PUM1: variants seen among roughly 807,000 people sequenced by gnomAD.
The protein encoded by PUM1 is pumilio homolog 1.
Under a neutral mutation model 131.8 loss-of-function variants are expected in PUM1, and 13 were observed. That is an observed-to-expected ratio of 0.10 (90% CI 0.06 to 0.16). The LOEUF (loss-of-function observed/expected upper bound fraction) is 0.16. Ranked by LOEUF, PUM1 falls within the 10% of genes least tolerant of loss-of-function variation. PUM1 has a pLI of 1.00. For synonymous variants in PUM1, 509 were observed against 556.5 expected, an observed-to-expected ratio of 0.91 and a Z score of 1.20; for missense variants, 961 against 1,512.4, an observed-to-expected ratio of 0.64 and a Z score of 6.05.
intron 5 of PUM1, among the ~76,000 whole-genome samples, chr1:31,000,909 G>A (rs562201907): frequency 3.8e-4 from 58 of 151,968 alleles, no homozygotes; most frequent in Non-Finnish European, 6.9e-4. Flanking sequence ...GGTGTGGGCC[G>A]GGCACAGTGG....
At chr1:31,009,692 A>G (rs1253007905) in intron 3 of PUM1, among the ~76,000 whole-genome samples, 3 of 146,918 alleles carry the variant, frequency 2.0e-5, no homozygotes, top group Non-Finnish European at 3.0e-5. Context: ...TGCTTGAACC[A>G]GGGACGCAGA....
chr1:31,041,717 T>TAAAA (rs1643821509), intron 2 of PUM1, among the ~76,000 whole-genome samples: 1 of 152,144 alleles, frequency 6.6e-6, no homozygotes, highest in Non-Finnish European at 1.5e-5. Context: ...CTGCCATGAG[T>TAAAA]AAAAGTGTCC....
At chr1:30,969,838 T>C (rs1001074977) in intron 10 of PUM1, among the ~76,000 whole-genome samples, 2 of 152,130 alleles carry the variant, frequency 1.3e-5, no homozygotes, top group African/African-American at 4.8e-5. Context: ...AATTTTTCTA[T>C]TTTTTGTAGA....
chr1:31,022,157 C>T (rs1242211240), intron 3 of PUM1, among the ~76,000 whole-genome samples: 1 of 144,492 alleles, frequency 6.9e-6, no homozygotes, highest in Non-Finnish European at 1.5e-5. Flanking sequence ...AATCTTAGGG[C>T]TCATTCTGCT....
At chr1:31,036,211 G>T (rs1643607056) in intron 2 of PUM1, among the ~76,000 whole-genome samples, 1 of 152,008 alleles carries the variant, frequency 6.6e-6, no homozygotes, top group Non-Finnish European at 1.5e-5. Context: ...CTGGGACTAC[G>T]AGTGCGTGCC....
At chr1:30,989,629 T>C (rs1433050107) in intron 7 of PUM1, among the ~76,000 whole-genome samples, 1 of 146,658 alleles carries the variant, frequency 6.8e-6, no homozygotes, top group African/African-American at 2.5e-5. Context: ...GTCCTTCCCT[T>C]CCCAAGAGAC....
intron 2 of PUM1, among the ~76,000 whole-genome samples, chr1:31,043,364 C>A (rs576141281): frequency 6.6e-6 from 1 of 151,534 alleles, no homozygotes; most frequent in South Asian, 2.1e-4. Context: ...CCATCATGTC[C>A]GGCTAATTTT....
chr1:31,008,661 A>T (rs1642482075), intron 3 of PUM1, among the ~76,000 whole-genome samples: 1 of 152,094 alleles, frequency 6.6e-6, no homozygotes, highest in African/African-American at 2.4e-5. Context: ...TTATTGATGA[A>T]GAAAATATCG....
At chr1:30,969,332 A>AG (rs1553146895) in intron 10 of PUM1, among the ~76,000 whole-genome samples, 6 of 135,212 alleles carry the variant, frequency 4.4e-5, no homozygotes, top group African/African-American at 1.6e-4. Context: ...AAAAAAAAAA[A>AG]AAAAGAAAAA....
intron 1 of PUM1, among the ~76,000 whole-genome samples, chr1:31,064,539 C>T (rs1233399740): frequency 6.6e-6 from 1 of 151,992 alleles, no homozygotes; most frequent in African/African-American, 2.4e-5. Context: ...AATGCTAAGC[C>T]TATTGTTTCA....
intron 5 of PUM1, among the ~76,000 whole-genome samples, chr1:31,005,142 TAAAG>T (rs1026233509): frequency 1.1e-4 from 17 of 152,122 alleles, no homozygotes; most frequent in Admixed American, 9.2e-4. Flanking sequence ...AAGTTAATGA[TAAAG>T]AAAGAAATTG....
rs1202130619 is a variant in PUM1 at position 30,938,960 on chromosome 1, CAG to C, written c.3243-2127_3243-2126del. Among the ~76,000 whole-genome samples the C allele has an allele frequency of 4.4e-3, 663 of 151,268 alleles. 2 individuals carry two copies. Among genetic ancestry groups the C allele is most frequent in the East Asian group, 0.027 (140 of 5,102 alleles). Reference sequence around the variant, plus strand: ...ACAGACAGACAGATAGACAGATAGACAGATACATACATACATACATAATTTTC... The same window carrying C: ...ACAGACAGACAGATAGACAGATAGACATACATACATACATACATAATTTTC... On this transcript the variant is annotated intron_variant, in intron 20 of 21. Coordinates refer to ENST00000426105, the MANE Select transcript of PUM1 (RefSeq NM_001020658.2).
intron 7 of PUM1, among the ~76,000 whole-genome samples, chr1:30,989,888 A>T: frequency 6.6e-6 from 1 of 152,236 alleles, no homozygotes; most frequent in East Asian, 1.9e-4. Context: ...CCCTGAAGTT[A>T]TCTACAAAAC....
intron 21 of PUM1, among the ~76,000 whole-genome samples, chr1:30,934,233 A>G (rs1185668307): frequency 1.3e-5 from 2 of 152,184 alleles, no homozygotes; most frequent in African/African-American, 4.8e-5. Flanking sequence ...CTCAGGGAGC[A>G]TTCTACATAC....
intron 10 of PUM1, among the ~76,000 whole-genome samples, chr1:30,968,756 TTA>T (rs1640734432): frequency 6.6e-6 from 1 of 152,212 alleles, no homozygotes; most frequent in Non-Finnish European, 1.5e-5. Context: ...TTCAAACATT[TTA>T]TCTCATCTGC....
rs1405557322 is a variant in PUM1 at position 30,994,973 on chromosome 1, G to GA, written c.887+80dup. ...GAAAACATGAAGAGGGGAAGAAAAC[G>GA]AAAATCAAAGTAAAACTAAATCAAA... On this transcript the variant is annotated intron_variant, in intron 6 of 21. Coordinates refer to ENST00000426105, the MANE Select transcript of PUM1 (RefSeq NM_001020658.2). 37 of 1,474,996 alleles carry GA rather than the reference G, an allele frequency of 2.5e-5. No individual in the cohort carries two copies. In the Admixed American group the frequency reaches 7.9e-4, roughly 32 times the overall value. The allele number at this position is 1,474,996 out of a possible 1,614,324, so 91.4% of individuals were successfully genotyped here.
rs1639629265 is a variant in PUM1 at position 30,945,433 on chromosome 1, A to G, written c.2907T>C (p.Asp969=). The G allele has an allele frequency of 6.2e-7, 1 of 1,614,062 alleles. No homozygotes were observed. The highest frequency in any genetic ancestry group is 1.1e-5 in the South Asian group (1 of 91,088). ...TCTGAACCACGTGATTGCCATTCTG[A>G]TCTTTCACACACTTCAAGACATGGC... ...LDGHVLKCVK[D]QNGNHVVQKC... Residue 969 remains aspartate, a synonymous_variant, in exon 18 of 22, where the codon GAT becomes GAC. Transcript: ENST00000426105.
intron 3 of PUM1, among the ~76,000 whole-genome samples, chr1:31,027,710 C>G (rs1379700226): frequency 1.3e-5 from 2 of 152,324 alleles, no homozygotes; most frequent in East Asian, 3.9e-4. Flanking sequence ...TAACTGTTCA[C>G]TGCCTAACCA....
chr1:30,988,349 T>C (rs1371623266), intron 7 of PUM1, among the ~76,000 whole-genome samples: 3 of 152,182 alleles, frequency 2.0e-5, no homozygotes, highest in Non-Finnish European at 4.4e-5. Flanking sequence ...ATGTATCTCA[T>C]TATAGGCTGA....
Sources: gnomAD v4.1 joint callset for allele counts (sites outside exome capture counted in the v4.1 genomes callset) on GRCh38, gnomAD v4.1.1 for gene constraint, MANE v1.5 for transcripts, NCBI Gene and HGNC (gene_info 2026-07-23, HGNC 2026-07-21) for gene names.